CTNND2: variants seen among roughly 807,000 people sequenced by gnomAD.
CTNND2 encodes the protein catenin delta-2.
A neutral mutation model predicts 144.4 loss-of-function variants in CTNND2; 22 were observed. The observed-to-expected ratio is 0.15, with a 90% CI of 0.11 to 0.22. The LOEUF is 0.22. CTNND2 is among the 10% of genes least tolerant of loss of function. CTNND2 has a pLI of 1.00. For missense variants in CTNND2, 1,353 were observed against 1,618.8 expected (o/e 0.84, Z 2.82); for synonymous variants, 751 against 695.6 (o/e 1.08, Z -1.25).
intron 3 of CTNND2, among the ~76,000 whole-genome samples, chr5:11,486,033 G>GA (rs907998063): frequency 3.3e-5 from 5 of 151,958 alleles, no homozygotes; most frequent in African/African-American, 1.2e-4. Context: ...AAATAAAGAA[G>GA]AAAAAAACAC....
chr5:11,499,995 C>T (rs1009926468), intron 3 of CTNND2, among the ~76,000 whole-genome samples: 6 of 151,968 alleles, frequency 3.9e-5, no homozygotes, highest in African/African-American at 1.5e-4. Flanking sequence ...TTATTTTTTG[C>T]TCAATCCTAT....
At chr5:11,364,141 G>A (rs1293092304) in intron 8 of CTNND2, among the ~76,000 whole-genome samples, 1 of 152,140 alleles carries the variant, frequency 6.6e-6, no homozygotes, top group African/African-American at 2.4e-5. Context: ...ATTTAATCCA[G>A]GAGAGCTATA....
At chr5:11,006,056 AC>A (rs1240649774) in intron 18 of CTNND2, among the ~76,000 whole-genome samples, 1 of 152,142 alleles carries the variant, frequency 6.6e-6, no homozygotes, top group East Asian at 1.9e-4. Flanking sequence ...ATTAAAAAAA[AC>A]AACAACAAAA....
In CTNND2 at chr5:11,560,398, A is replaced by T. The variant is rs141873126; in HGVS notation, c.287+4546T>A. ...GTCAAGTCCCCTTTAGGAGATGTTCATAAGAGTGGTCCAACTGTGATTTGA... is the reference window on the plus strand; with the variant it reads ...GTCAAGTCCCCTTTAGGAGATGTTCTTAAGAGTGGTCCAACTGTGATTTGA... On this transcript the variant is annotated intron_variant, in intron 3 of 21. Transcript: ENST00000304623. Among the ~76,000 whole-genome samples the T allele has an allele frequency of 2.9e-3, 448 of 152,312 alleles. 2 individuals carry two copies. Among genetic ancestry groups the T allele is most frequent in the African/African-American group, 0.01 (431 of 41,576 alleles).
At chr5:11,896,834 T>G (rs1220010344) in intron 1 of CTNND2, among the ~76,000 whole-genome samples, 4 of 152,180 alleles carry the variant, frequency 2.6e-5, no homozygotes, top group Non-Finnish European at 5.9e-5. Flanking sequence ...CTCATATAAT[T>G]AGCTACTCTG....
intron 3 of CTNND2, among the ~76,000 whole-genome samples, chr5:11,507,488 T>C (rs1380281952): frequency 6.6e-6 from 1 of 152,138 alleles, no homozygotes; most frequent in Non-Finnish European, 1.5e-5. Context: ...ATTTCCTCCT[T>C]CCTCCGTTGC....
rs532276745 is a variant in CTNND2 at position 11,260,068 on chromosome 5, C to T, written c.1629-23245G>A. Among the ~76,000 whole-genome samples the T allele has an allele frequency of 2.6e-5, 4 of 152,278 alleles. No homozygotes were observed. The South Asian group carries it at 8.3e-4, about 32-fold the overall frequency. On this transcript the variant is annotated intron_variant, in intron 9 of 21. Coordinates refer to ENST00000304623, the MANE Select transcript of CTNND2 (RefSeq NM_001332.4). ...AGTGAAATAATCTATCAGTCTGTTT[C>T]ATTACATCCGAGATGGCCCTTCCTT...
intron 3 of CTNND2, among the ~76,000 whole-genome samples, chr5:11,474,012 C>T (rs972948093): frequency 2.0e-5 from 3 of 152,284 alleles, no homozygotes; most frequent in South Asian, 2.1e-4. Context: ...AAGCAGTAAT[C>T]GAGAGCCTGA....
rs544254288 is a variant in CTNND2 at position 11,751,027 on chromosome 5, T to C, written c.38-18755A>G. 2.0e-4 allele frequency among the ~76,000 whole-genome samples: 30 copies of C among 152,002 alleles called. No homozygotes were observed. In the East Asian group the frequency reaches 5.8e-3, roughly 29 times the overall value. ...ACACTCACCTGTCCGGGGTAAAATT[T>C]AGTAGACTTTTTTATATCAGGAAAT... is the stretch of plus-strand genomic sequence containing the variant. On this transcript the variant is annotated intron_variant, in intron 1 of 21. Transcript: ENST00000304623.
intron 9 of CTNND2, among the ~76,000 whole-genome samples, chr5:11,308,194 T>A (rs1750451802): frequency 6.6e-6 from 1 of 152,132 alleles, no homozygotes; most frequent in Admixed American, 6.5e-5. Context: ...TATGCCTAAG[T>A]ATGGTCAGCC....
chr5:11,110,777 C>G, intron 14 of CTNND2, 81 bp downstream of exon 14: 1 of 1,319,432 alleles, frequency 7.6e-7, no homozygotes, highest in South Asian at 1.5e-5. Context: ...ATGCAGGGCT[C>G]ATTCTCTATA....
intron 2 of CTNND2, among the ~76,000 whole-genome samples, chr5:11,661,694 G>T (rs1783214115): frequency 6.6e-6 from 1 of 152,118 alleles, no homozygotes; most frequent in Admixed American, 6.6e-5. Flanking sequence ...GCTAGAAAAA[G>T]AAATAAGCAA....
chr5:11,596,377 T>C (rs1482164985), intron 2 of CTNND2, among the ~76,000 whole-genome samples: 1 of 152,200 alleles, frequency 6.6e-6, no homozygotes, highest in African/African-American at 2.4e-5. Flanking sequence ...GCCCTGTTTC[T>C]TTGGCTGGGC....
rs145549858 is a variant in CTNND2, at chr5:11,661,117, C to A, written c.174+71019G>T. On this transcript the variant is annotated intron_variant, in intron 2 of 21. Transcript: ENST00000304623. Reference sequence around the variant, plus strand: ...CTTTCCGAATGGCCTAACATAGATACAACTTATCACCCACTTTAGATGTGT... The same window carrying A: ...CTTTCCGAATGGCCTAACATAGATAAAACTTATCACCCACTTTAGATGTGT... 2.6e-5 allele frequency among the ~76,000 whole-genome samples: 4 copies of A among 152,270 alleles called. No homozygotes were observed. In the East Asian group the frequency reaches 7.7e-4, roughly 29 times the overall value.
intron 12 of CTNND2, among the ~76,000 whole-genome samples, chr5:11,134,562 T>C (rs1330642869): frequency 6.6e-6 from 1 of 152,254 alleles, no homozygotes; most frequent in Non-Finnish European, 1.5e-5. Context: ...CATAGTAATT[T>C]TCACAAATGT....
intron 1 of CTNND2, among the ~76,000 whole-genome samples, chr5:11,830,484 G>A (rs1323661316): frequency 1.3e-5 from 2 of 152,198 alleles, no homozygotes; most frequent in Admixed American, 1.3e-4. Flanking sequence ...GATTTTCCCT[G>A]TACAACCTCT....
At chr5:11,422,373 A>G (rs1028834022) in intron 3 of CTNND2, among the ~76,000 whole-genome samples, 2 of 152,194 alleles carry the variant, frequency 1.3e-5, no homozygotes, top group Admixed American at 6.5e-5. Flanking sequence ...AGCCATAAAG[A>G]CCATTTGCTA....
chr5:11,639,677 C>T (rs1781892155), intron 2 of CTNND2, among the ~76,000 whole-genome samples: 1 of 152,096 alleles, frequency 6.6e-6, no homozygotes, highest in African/African-American at 2.4e-5. Context: ...TAAGAATCTC[C>T]AAGAAAGGGA....
In CTNND2 at chr5:11,103,881, C is replaced by G. The variant is rs61755686; in HGVS notation, c.2464-5133G>C. Among the ~76,000 whole-genome samples the G allele has an allele frequency of 1.2e-3, 180 of 152,300 alleles. 4 individuals are homozygous for G. The East Asian group carries it at 0.026, about 22-fold the overall frequency. ...CTCTGTGAGCCATCCTGCAACTGCCCTAGTCTCTGATCTCCAATGCACTGG... is the reference window on the plus strand; with the variant it reads ...CTCTGTGAGCCATCCTGCAACTGCCGTAGTCTCTGATCTCCAATGCACTGG... On this transcript the variant is annotated intron_variant, in intron 14 of 21. Transcript: ENST00000304623.
Sources: gnomAD v4.1 joint callset for allele counts (sites outside exome capture counted in the v4.1 genomes callset) on GRCh38, gnomAD v4.1.1 for gene constraint, MANE v1.5 for transcripts, NCBI Gene and HGNC (gene_info 2026-07-23, HGNC 2026-07-21) for gene names.